C9: variants seen among roughly 807,000 people sequenced by gnomAD.
C9 encodes complement component C9.
In C9, 63 loss-of-function variants were observed where a neutral mutation model predicts 65.4. That is an observed-to-expected ratio of 0.96 (90% CI 0.79 to 1.19). The LOEUF is 1.19. C9 is among the 50% of genes most tolerant of loss of function. The pLI, the probability that C9 is intolerant of heterozygous loss-of-function variation, is 0.00. For synonymous variants in C9, 229 were observed against 227.9 expected (o/e 1.00, Z -0.04); for missense variants, 744 against 670.1 (o/e 1.11, Z -1.22).
At chr5:39,351,864 C>G (rs78787084) in intron 1 of C9, among the ~76,000 whole-genome samples, 6,592 of 152,264 alleles carry the variant, frequency 0.043, 469 homozygotes, top group African/African-American at 0.15. Context: ...CTGCCTGTTA[C>G]CCAGTTCCAA....
At chr5:39,354,847 T>G (rs1754387700) in intron 1 of C9, among the ~76,000 whole-genome samples, 1 of 152,114 alleles carries the variant, frequency 6.6e-6, no homozygotes, top group Non-Finnish European at 1.5e-5. Flanking sequence ...GAGTAAATAC[T>G]TAATTAAATG....
At chr5:39,359,530 G>A (rs532999844) in intron 1 of C9, among the ~76,000 whole-genome samples, 142 of 152,246 alleles carry the variant, frequency 9.3e-4, no homozygotes, top group Admixed American at 2.7e-3. Context: ...AAGGGAGTGG[G>A]TCTAGAGTAA....
intron 1 of C9, among the ~76,000 whole-genome samples, chr5:39,361,113 TA>T (rs35967959): frequency 1.8e-3 from 230 of 128,758 alleles, no homozygotes; most frequent in African/African-American, 5.1e-3. Flanking sequence ...ATGAAGTAAA[TA>T]AAAAAAAAAA....
chr5:39,339,919 A>G (rs1754044124), intron 4 of C9, among the ~76,000 whole-genome samples: 1 of 151,936 alleles, frequency 6.6e-6, no homozygotes, highest in South Asian at 2.1e-4. Context: ...TCGGCCTCCC[A>G]AATTGCTGAG....
chr5:39,330,024 C>G (rs1268125201), intron 5 of C9, among the ~76,000 whole-genome samples: 2 of 152,206 alleles, frequency 1.3e-5, no homozygotes, highest in Non-Finnish European at 2.9e-5. Context: ...TAGCCAACCC[C>G]TATTCAACTC....
intron 4 of C9, among the ~76,000 whole-genome samples, chr5:39,338,777 T>C (rs1754015694): frequency 6.6e-6 from 1 of 152,208 alleles, no homozygotes; most frequent in South Asian, 2.1e-4. Context: ...ACCCTGACTG[T>C]GGTAAAGCGT....
intron 1 of C9, among the ~76,000 whole-genome samples, chr5:39,346,363 C>A (rs1754195599): frequency 6.6e-6 from 1 of 152,194 alleles, no homozygotes. Flanking sequence ...CACAGAAATA[C>A]AAACTACCAT....
At chr5:39,329,410 T>C (rs1453630839) in intron 5 of C9, among the ~76,000 whole-genome samples, 1 of 152,214 alleles carries the variant, frequency 6.6e-6, no homozygotes, top group Non-Finnish European at 1.5e-5. Context: ...TAGGCATTAT[T>C]ATTTCTATTT....
At chr5:39,325,208 G>T (rs1753727425) in intron 5 of C9, among the ~76,000 whole-genome samples, 1 of 152,130 alleles carries the variant, frequency 6.6e-6, no homozygotes, top group South Asian at 2.1e-4. Context: ...ATTGAGAGAA[G>T]AAACCTATGA....
At chr5:39,303,223 G>A (rs1276961463) in intron 9 of C9, among the ~76,000 whole-genome samples, 2 of 152,140 alleles carry the variant, frequency 1.3e-5, no homozygotes, top group African/African-American at 4.8e-5. Flanking sequence ...AACCACTTGT[G>A]TTAACATTCA....
At chr5:39,352,737 G>A (rs1754342970) in intron 1 of C9, among the ~76,000 whole-genome samples, 1 of 152,136 alleles carries the variant, frequency 6.6e-6, no homozygotes, top group South Asian at 2.1e-4. Context: ...TTTCCAGAAG[G>A]CATCCAGAGG....
In C9 at chr5:39,292,348, C is replaced by CA. The variant is rs570308683; in HGVS notation, c.1417-3398dup. ...ACTGAAAGACAAAAACAAAACAAAA[C>CA]AAAAAAAAATCCACACAAACTGTAA... On this transcript the variant is annotated intron_variant, in intron 9 of 10. Coordinates refer to ENST00000263408, the MANE Select transcript of C9 (RefSeq NM_001737.5). Among the ~76,000 whole-genome samples, 582 of 149,034 alleles carry CA rather than the reference C, an allele frequency of 3.9e-3. 5 individuals carry two copies. The highest frequency in any genetic ancestry group is 0.01 in the African/African-American group (426 of 40,738).
chr5:39,327,042 A>C (rs1753757852), intron 5 of C9, among the ~76,000 whole-genome samples: 2 of 152,040 alleles, frequency 1.3e-5, no homozygotes, highest in Admixed American at 1.3e-4. Context: ...AAAAGCACGT[A>C]TTATACAGCA....
chr5:39,290,445 C>T (rs181400512), intron 9 of C9, among the ~76,000 whole-genome samples: 11 of 146,936 alleles, frequency 7.5e-5, no homozygotes, highest in Admixed American at 7.1e-4. Context: ...ATCTATAGAG[C>T]CCAGAGCTAA....
chr5:39,364,263 A>G (rs544322141), intron 1 of C9, 125 bp downstream of exon 1: 2 of 686,412 alleles, frequency 2.9e-6, no homozygotes, highest in Non-Finnish European at 5.4e-6. Flanking sequence ...TTCGAAGTTT[A>G]GATTCTAGGG....
intron 9 of C9, among the ~76,000 whole-genome samples, chr5:39,301,051 G>A (rs1406403866): frequency 6.6e-6 from 1 of 152,034 alleles, no homozygotes; most frequent in African/African-American, 2.4e-5. Flanking sequence ...AGGCCTTGAG[G>A]TAGGAAACAA....
chr5:39,311,314 C>T lies in C9; in HGVS notation c.934G>A (p.Asp312Asn), dbSNP rs147710831. Reference sequence around the variant, plus strand: ...ACAAAAGTTGTTGTGAGCACAACATCGCGATTTCTCATTACAAATCTTCCC... The same window carrying T: ...ACAAAAGTTGTTGTGAGCACAACATTGCGATTTCTCATTACAAATCTTCCC... ...HLGRFVMRNRDVVLTTTFVDD... is the reference protein window; with the variant it reads ...HLGRFVMRNRNVVLTTTFVDD... The change falls in exon 7 of 11, where the codon GAT becomes AAT. Residue 312 changes from aspartate (D) to asparagine (N), a missense_variant. Physicochemically the swap from Asp to Asn is conservative, Grantham distance 23. Coordinates refer to ENST00000263408, the MANE Select transcript of C9 (RefSeq NM_001737.5). The T allele has an allele frequency of 3.2e-4, 512 of 1,612,832 alleles. 1 individual carries two copies. The highest frequency in any genetic ancestry group is 5.2e-4 in the South Asian group (47 of 91,046).
chr5:39,311,357 CA>C lies in C9; in HGVS notation c.890del (p.Val297GlyfsTer11). Reference protein sequence around the residue: ...SSKKEKMFLHVKGEIHLGRFV... With the variant: ...SSKKEKMFLHXKGEIHLGRFV... ...ATCTTCCCAGATGAATTTCTCCTTT[CA>C]CATGCAGAAACATTTTTTCCTGTGT... On this transcript the variant is annotated frameshift_variant, in exon 7 of 11. Transcript: ENST00000263408. LOFTEE classifies it high-confidence loss of function. 6.2e-7 allele frequency: 1 copy of C among 1,612,426 alleles called. No individual in the cohort carries two copies. The highest frequency in any genetic ancestry group is 8.5e-7 in the Non-Finnish European group (1 of 1,178,934).
In C9 at chr5:39,284,495, A is replaced by G. The variant is rs1038378792; in HGVS notation, c.*704T>C. On this transcript the variant is annotated 3_prime_UTR_variant, in exon 11 of 11. Coordinates refer to ENST00000263408, the MANE Select transcript of C9 (RefSeq NM_001737.5). The stretch of plus-strand genomic sequence containing the variant: ...ATAGAAGGAATTTCACATAATTTAA[A>G]CTAATAGTTTATGTTCATTCTATTC... 2 of 152,206 alleles carry G rather than the reference A, an allele frequency of 1.3e-5. No individual in the cohort carries two copies. The highest frequency in any genetic ancestry group is 2.9e-5 in the Non-Finnish European group (2 of 68,028). 9.4% of individuals were successfully genotyped at this position (152,206 alleles called of 1,614,324 possible).
Sources: gnomAD v4.1 joint callset for allele counts (sites outside exome capture counted in the v4.1 genomes callset) on GRCh38, gnomAD v4.1.1 for gene constraint, MANE v1.5 for transcripts, NCBI Gene and HGNC (gene_info 2026-07-23, HGNC 2026-07-21) for gene names.